Variants in DISC1 observed in about 807,000 individuals in gnomAD.
The protein encoded by DISC1 is DISC1 scaffold protein.
Under a neutral mutation model 84.5 loss-of-function variants are expected in DISC1, and 57 were observed. The observed-to-expected ratio is 0.67, with a 90% CI of 0.55 to 0.84. DISC1 has a LOEUF of 0.84. Ranked by LOEUF, DISC1 falls within the 40% of genes least tolerant of loss-of-function variation. The pLI is 0.00. For synonymous variants in DISC1, 411 were observed against 415.2 expected (o/e 0.99, Z 0.12); for missense variants, 1,000 against 1,057.8 (o/e 0.95, Z 0.76).
At chr1:231,941,845 C>A (rs943159717) in intron 9 of DISC1, among the ~76,000 whole-genome samples, 3 of 152,170 alleles carry the variant, frequency 2.0e-5, no homozygotes, top group African/African-American at 7.2e-5. Flanking sequence ...ACTGCAGAGG[C>A]ACCAGTAAAG....
chr1:231,922,246 A>G (rs1356132289), intron 9 of DISC1, among the ~76,000 whole-genome samples: 1 of 152,234 alleles, frequency 6.6e-6, no homozygotes, highest in Admixed American at 6.5e-5. Flanking sequence ...GCTATGAAAT[A>G]TCTAGCATCT....
intron 9 of DISC1, among the ~76,000 whole-genome samples, chr1:231,886,696 G>A (rs911970144): frequency 4.6e-5 from 7 of 152,136 alleles, no homozygotes; most frequent in African/African-American, 1.7e-4. Context: ...AAGACATTGG[G>A]TATGATTTGG....
chr1:231,725,165 G>C (rs201466760), intron 3 of DISC1, among the ~76,000 whole-genome samples: 123 of 152,232 alleles, frequency 8.1e-4, no homozygotes, highest in Non-Finnish European at 4.1e-4. Flanking sequence ...AGGCTTCGTG[G>C]GGATGCTCAA....
intron 11 of DISC1, among the ~76,000 whole-genome samples, chr1:232,015,845 A>C (rs1240903032): frequency 6.6e-6 from 1 of 151,116 alleles, no homozygotes; most frequent in African/African-American, 2.4e-5. Flanking sequence ...GTCATTCCAC[A>C]CCCCCTCCTC....
intron 9 of DISC1, among the ~76,000 whole-genome samples, chr1:231,946,363 CATT>C: frequency 6.6e-6 from 1 of 152,272 alleles, no homozygotes. Context: ...ACAAAAAACA[CATT>C]ATTATCTCAA....
At chr1:231,926,459 T>A (rs918281593) in intron 9 of DISC1, among the ~76,000 whole-genome samples, 4 of 152,218 alleles carry the variant, frequency 2.6e-5, no homozygotes, top group African/African-American at 9.6e-5. Flanking sequence ...CCCAGAAGCC[T>A]GTCTTCATTG....
At chr1:231,774,187 G>A (rs570408206) in intron 6 of DISC1, among the ~76,000 whole-genome samples, 168 of 151,996 alleles carry the variant, frequency 1.1e-3, no homozygotes, top group Non-Finnish European at 2.0e-3. Context: ...CCTGGAGTTC[G>A]AGATTACAGT....
intron 3 of DISC1, among the ~76,000 whole-genome samples, chr1:231,721,774 A>G (rs923637335): frequency 1.3e-5 from 2 of 152,328 alleles, no homozygotes; most frequent in East Asian, 3.9e-4. Context: ...GTAAGATTTC[A>G]TCTCAAAAAG....
intron 10 of DISC1, among the ~76,000 whole-genome samples, chr1:231,989,719 G>T (rs952066137): frequency 3.3e-5 from 5 of 152,308 alleles, no homozygotes; most frequent in Admixed American, 3.3e-4. Flanking sequence ...AGAAGTGAGA[G>T]ACCTGGCAGG....
At chr1:231,927,688 C>T (rs559548813) in intron 9 of DISC1, among the ~76,000 whole-genome samples, 1 of 152,324 alleles carries the variant, frequency 6.6e-6, no homozygotes, top group Admixed American at 6.5e-5. Context: ...ATGGAGAGGA[C>T]ACACAAGTAA....
chr1:231,678,441 G>A (rs2063365723), intron 1 of DISC1, among the ~76,000 whole-genome samples: 1 of 152,180 alleles, frequency 6.6e-6, no homozygotes, highest in African/African-American at 2.4e-5. Context: ...CTGAGAGAAG[G>A]CAGTGTGGAC....
At chr1:231,736,838 C>G (rs1268468666) in intron 3 of DISC1, among the ~76,000 whole-genome samples, 2 of 152,234 alleles carry the variant, frequency 1.3e-5, no homozygotes, top group Non-Finnish European at 2.9e-5. Context: ...AATGGCTACA[C>G]AGCCTCTAAG....
chr1:231,693,782 T>G (rs767864410), intron 1 of DISC1, 44 bp from the exon 2 acceptor site: 1 of 1,611,464 alleles, frequency 6.2e-7, no homozygotes, highest in Admixed American at 1.7e-5. Flanking sequence ...GCTGGGCCAG[T>G]AAGATCTGCA....
intron 9 of DISC1, among the ~76,000 whole-genome samples, chr1:231,912,159 T>TG: frequency 6.6e-6 from 1 of 152,216 alleles, no homozygotes; most frequent in South Asian, 2.1e-4. Flanking sequence ...TACCGATCGT[T>TG]TGAAGCCTTC....
intron 10 of DISC1, among the ~76,000 whole-genome samples, chr1:231,974,576 C>T (rs1384275648): frequency 6.6e-6 from 1 of 152,176 alleles, no homozygotes; most frequent in Non-Finnish European, 1.5e-5. Context: ...GTTTGCTTAA[C>T]TTCCGTAATA....
At chr1:231,750,873 C>T (rs1367833054) in intron 4 of DISC1, among the ~76,000 whole-genome samples, 1 of 152,176 alleles carries the variant, frequency 6.6e-6, no homozygotes, top group Non-Finnish European at 1.5e-5. Context: ...ACAACAATTC[C>T]ACTTTATTTC....
chr1:231,750,192 G>GGA, intron 4 of DISC1, 116 bp downstream of exon 4: 1 of 1,472,552 alleles, frequency 6.8e-7, no homozygotes, highest in Non-Finnish European at 9.0e-7. Flanking sequence ...GCCTTTCCTG[G>GGA]GAAGGGCCCT....
chr1:232,021,769 G>C (rs559160097), intron 11 of DISC1, among the ~76,000 whole-genome samples: 1 of 152,156 alleles, frequency 6.6e-6, no homozygotes, highest in Non-Finnish European at 1.5e-5. Context: ...TATGATATTC[G>C]TGGATCTGTA....
chr1:231,849,727 G>C (rs745745184), intron 9 of DISC1, among the ~76,000 whole-genome samples: 1 of 152,168 alleles, frequency 6.6e-6, no homozygotes, highest in Non-Finnish European at 1.5e-5. Flanking sequence ...GCTCGTGAAA[G>C]AGTCGGATAC....
Sources: allele counts gnomAD v4.1 joint callset (sites outside exome capture counted in the v4.1 genomes callset), GRCh38; gene constraint gnomAD v4.1.1; transcripts MANE v1.5; gene names NCBI Gene and HGNC (gene_info 2026-07-23, HGNC 2026-07-21).